TENM1: variants seen among roughly 807,000 people sequenced by gnomAD.
TENM1 encodes teneurin transmembrane protein 1.
Under a neutral mutation model 174.8 loss-of-function variants are expected in TENM1, and 35 were observed. The observed-to-expected ratio is 0.20, with a 90% CI of 0.15 to 0.27. The LOEUF is 0.27. Ranked by LOEUF, TENM1 falls within the 10% of genes least tolerant of loss-of-function variation. The pLI is 1.00. For missense variants in TENM1, 1,633 were observed against 2,130.1 expected, an observed-to-expected ratio of 0.77 and a Z score of 4.59; for synonymous variants, 781 against 798.7, an observed-to-expected ratio of 0.98 and a Z score of 0.37.
chrX:125,026,972 T>G, the TENM1 span, among the ~76,000 whole-genome samples: 2 of 111,502 alleles, frequency 1.8e-5, no homozygotes, highest in Non-Finnish European at 3.8e-5. Flanking sequence ...AACATAATAA[T>G]CAATGGTGTA....
intron 5 of TENM1, among the ~76,000 whole-genome samples, chrX:124,694,986 T>C (rs2052614997): frequency 8.9e-6 from 1 of 112,371 alleles, no homozygotes; most frequent in Non-Finnish European, 1.9e-5. Context: ...TAGACTTTTT[T>C]AGAATTAACA....
the TENM1 span, among the ~76,000 whole-genome samples, chrX:125,007,394 G>A: frequency 1.3e-4 from 14 of 110,206 alleles, no homozygotes; most frequent in South Asian, 7.8e-4. Context: ...TAAAAAGACC[G>A]AACCTACAAT....
At chrX:124,515,749 C>T (rs903255914) in intron 18 of TENM1, among the ~76,000 whole-genome samples, 5 of 108,761 alleles carry the variant, frequency 4.6e-5, no homozygotes, top group Non-Finnish European at 9.6e-5. Context: ...GCATCAATAT[C>T]GTAAAAATGG....
the TENM1 span, among the ~76,000 whole-genome samples, chrX:125,037,974 G>A: frequency 9.0e-6 from 1 of 110,954 alleles, no homozygotes; most frequent in Non-Finnish European, 1.9e-5. Context: ...ATTCACAGGT[G>A]ACTTCTGCAA....
At chrX:125,040,915 T>C in the TENM1 span, among the ~76,000 whole-genome samples, 1 of 111,703 alleles carries the variant, frequency 9.0e-6, no homozygotes, top group African/African-American at 3.2e-5. Flanking sequence ...CAGAAAGTAA[T>C]CTTCTGGAGT....
intron 16 of TENM1, 41 bp from the exon 20 acceptor site, chrX:124,523,666 A>G (rs2047906669): frequency 8.6e-7 from 1 of 1,167,861 alleles, no homozygotes; most frequent in East Asian, 3.1e-5. Flanking sequence ...TCAAATGAAA[A>G]ATTAAAAAAT....
chrX:124,647,448 A>C (rs2148386432), intron 8 of TENM1, among the ~76,000 whole-genome samples: 1 of 111,088 alleles, frequency 9.0e-6, no homozygotes, highest in African/African-American at 3.3e-5. Flanking sequence ...TTTCCTTTCA[A>C]TCCATTCTTA....
At chrX:124,637,120 G>A (rs1278703835) in intron 11 of TENM1, among the ~76,000 whole-genome samples, 1 of 98,603 alleles carries the variant, frequency 1.0e-5, no homozygotes, top group Non-Finnish European at 2.0e-5. Context: ...ACGGAGTTTC[G>A]CTCTTGTTGC....
chrX:124,899,543 T>G (rs2057621786), intron 1 of TENM1, among the ~76,000 whole-genome samples: 1 of 111,620 alleles, frequency 9.0e-6, no homozygotes, highest in Non-Finnish European at 1.9e-5. Context: ...TTTAGGTTGA[T>G]TCCATGTCTT....
intron 3 of TENM1, among the ~76,000 whole-genome samples, chrX:124,850,612 G>A (rs1367414418): frequency 9.0e-6 from 1 of 110,980 alleles, no homozygotes; most frequent in Non-Finnish European, 1.9e-5. Flanking sequence ...GGCCAGAGGA[G>A]GAATGACTCG....
the TENM1 span, among the ~76,000 whole-genome samples, chrX:125,146,567 C>T: frequency 9.0e-6 from 1 of 111,575 alleles, no homozygotes; most frequent in African/African-American, 3.3e-5. Context: ...AAGTTCAATT[C>T]ATGAAGATGT....
At chrX:124,588,335 T>TA (rs1235083819) in intron 11 of TENM1, among the ~76,000 whole-genome samples, 1 of 111,621 alleles carries the variant, frequency 9.0e-6, no homozygotes, top group Non-Finnish European at 1.9e-5. Context: ...ATGTGGCACA[T>TA]ATATGCCATG....
At chrX:125,124,592 C>T in the TENM1 span, among the ~76,000 whole-genome samples, 1 of 112,106 alleles carries the variant, frequency 8.9e-6, no homozygotes, top group Non-Finnish European at 1.9e-5. Flanking sequence ...ATTGCTTTTC[C>T]ATTTCAAGCA....
chrX:124,787,438 C>A (rs1410090693), intron 3 of TENM1, among the ~76,000 whole-genome samples: 1 of 106,185 alleles, frequency 9.4e-6, no homozygotes, highest in Non-Finnish European at 1.9e-5. Context: ...GGCCCCTTTC[C>A]TTTTTCTTTA....
intron 4 of TENM1, among the ~76,000 whole-genome samples, chrX:124,711,817 T>C (rs1238461302): frequency 8.9e-6 from 1 of 112,012 alleles, no homozygotes; most frequent in Non-Finnish European, 1.9e-5. Flanking sequence ...CTTTTACACC[T>C]TGCAAATCTG....
Position 124,384,061 on chromosome X carries a change from C to T in TENM1, c.6870G>A (p.Leu2290=), listed in dbSNP as rs147055078. 435 of 1,209,764 alleles carry T rather than the reference C, an allele frequency of 3.6e-4. 2 individuals are homozygous for T. In the African/African-American group the frequency reaches 6.8e-3, roughly 19 times the overall value. Reference sequence around the variant, plus strand: ...TAATCTCCGAGCTTGTGTGGTTGTACAAATGAGTAACTCTTATGGGGTTGG... The same window carrying T: ...TAATCTCCGAGCTTGTGTGGTTGTATAAATGAGTAACTCTTATGGGGTTGG... The change falls in exon 30 of 32, where the codon TTG becomes TTA. Residue 2290 remains leucine (L), a synonymous_variant. Coordinates refer to ENST00000422452, the Ensembl canonical transcript of TENM1.
chrX:124,438,363 T>C (rs776379875), intron 23 of TENM1, among the ~76,000 whole-genome samples: 1 of 110,913 alleles, frequency 9.0e-6, no homozygotes, highest in Non-Finnish European at 1.9e-5. Context: ...CTTAGAGAGA[T>C]ACAGAAGTAT....
the TENM1 span, among the ~76,000 whole-genome samples, chrX:125,024,408 T>C: frequency 9.2e-6 from 1 of 108,554 alleles, no homozygotes; most frequent in Non-Finnish European, 1.9e-5. Context: ...CACACACCCC[T>C]ACTGAAACAC....
At chrX:124,795,656 GA>G (rs1170572588) in intron 3 of TENM1, among the ~76,000 whole-genome samples, 4 of 110,085 alleles carry the variant, frequency 3.6e-5, no homozygotes, top group Non-Finnish European at 7.6e-5. Context: ...TTTTAATTCA[GA>G]AAAAAACCAC....
Sources: gnomAD v4.1 joint callset for allele counts (sites outside exome capture counted in the v4.1 genomes callset) on GRCh38, gnomAD v4.1.1 for gene constraint, MANE v1.5 for transcripts, NCBI Gene and HGNC (gene_info 2026-07-23, HGNC 2026-07-21) for gene names.